Variants in KLF13 observed in about 807,000 individuals in gnomAD.
KLF13 encodes Krueppel-like factor 13.
A neutral mutation model predicts 16.7 loss-of-function variants in KLF13; 8 were observed. That is an observed-to-expected ratio of 0.48 (90% CI 0.28 to 0.87). KLF13 has a LOEUF of 0.87. Ranked by LOEUF, KLF13 falls within the 40% of genes least tolerant of loss-of-function variation. KLF13 has a pLI of 0.10. For missense variants in KLF13, 447 were observed against 452.2 expected, an observed-to-expected ratio of 0.99 and a Z score of 0.10; for synonymous variants, 245 against 208.4, an observed-to-expected ratio of 1.18 and a Z score of -1.51.
rs879308368 is a variant in KLF13, at chr15:31,373,702, G to A, written c.*1403G>A. 1 of 152,210 alleles carries A rather than the reference G, an allele frequency of 6.6e-6. No homozygotes were observed. Among genetic ancestry groups the A allele is most frequent in the Non-Finnish European group, 1.5e-5 (1 of 68,066 alleles). The allele number at this position is 152,210 out of a possible 1,614,324, so 9.4% of individuals were successfully genotyped here. On this transcript the variant is annotated 3_prime_UTR_variant, in exon 2 of 2. Transcript: ENST00000307145. Reference sequence around the variant, plus strand: ...GTCCTGGGCTGGGATTCGAGCCCTGGGCGGGGGTCAGTCAAGCCGTGGTCC... The same window carrying A: ...GTCCTGGGCTGGGATTCGAGCCCTGAGCGGGGGTCAGTCAAGCCGTGGTCC...
At chr15:31,419,914 TAAAG>T (rs1446167773) in intron 1 of KLF13, among the ~76,000 whole-genome samples, 1 of 152,052 alleles carries the variant, frequency 6.6e-6, no homozygotes, top group Non-Finnish European at 1.5e-5. Flanking sequence ...AAGTCAAGGA[TAAAG>T]AGAGAGTCTT....
intron 1 of KLF13, among the ~76,000 whole-genome samples, chr15:31,335,471 GTGTGTA>G (rs5811634): frequency 0.47 from 38,912 of 83,162 alleles, 9,619 homozygotes; most frequent in East Asian, 0.64. Context: ...GTGTGTGTGT[GTGTGTA>G]TGGTGGCGGG....
chr15:31,389,936 C>T (rs903154749), upstream of KLF13, among the ~76,000 whole-genome samples: 11 of 152,154 alleles, frequency 7.2e-5, no homozygotes, highest in South Asian at 2.1e-4. Flanking sequence ...GCAAATGGGG[C>T]GAACTCATTT....
rs1200903591 is a variant in KLF13, at chr15:31,327,113, G to T, written c.-100G>T. ...CCAGCCCAGCCCGAGGAGAGGGCGC[G>T]CCGCGCCCCCGCCCCCCGCCCGCTC... On this transcript the variant is annotated 5_prime_UTR_variant, in exon 1 of 2. Coordinates refer to ENST00000307145, the MANE Select transcript of KLF13 (RefSeq NM_015995.4). 2.1e-6 allele frequency: 2 copies of T among 951,534 alleles called. No homozygotes were observed. Among genetic ancestry groups the T allele is most frequent in the Non-Finnish European group, 2.6e-6 (2 of 764,608 alleles). The allele number at this position is 951,534 out of a possible 1,614,324, so 58.9% of individuals were successfully genotyped here.
chr15:31,370,044 C>CTTTTTTTTTTTT (rs912005994), intron 1 of KLF13, among the ~76,000 whole-genome samples: 4 of 99,298 alleles, frequency 4.0e-5, no homozygotes, highest in Admixed American at 9.7e-5. Flanking sequence ...TCTCCTTTTT[C>CTTTTTTTTTTTT]TTTTTTTTTT....
chr15:31,419,371 GA>G (rs1357694202), intron 1 of KLF13, among the ~76,000 whole-genome samples: 3 of 152,072 alleles, frequency 2.0e-5, no homozygotes, highest in Non-Finnish European at 4.4e-5. Flanking sequence ...TTGTCTTAAA[GA>G]ACTTCAATGT....
chr15:31,360,150 G>A (rs1359005527), intron 1 of KLF13, among the ~76,000 whole-genome samples: 3 of 152,184 alleles, frequency 2.0e-5, no homozygotes, highest in Non-Finnish European at 2.9e-5. Context: ...TTTTCTTCCC[G>A]GCTGGTGTCC....
rs2040357175 is a variant in KLF13, at chr15:31,423,138, C to CAT, written n.118-12232_118-12231insAT. ...GTATATATACGTATATATACGTATA[C>CAT]GTATACGTATATATACGTATATATA... On this transcript the variant is annotated intron_variant and non_coding_transcript_variant, in intron 1 of 1. Coordinates refer to the KLF13 transcript ENST00000558225. Among the ~76,000 whole-genome samples, 12 of 33,492 alleles carry CAT rather than the reference C, an allele frequency of 3.6e-4. 2 individuals carry two copies. The highest frequency in any genetic ancestry group is 3.0e-3 in the African/African-American group (12 of 3,948). The allele number at this position is 33,492 out of a possible 152,430, so 22.0% of individuals were successfully genotyped here.
At chr15:31,335,547 G>A (rs2038917101) in intron 1 of KLF13, among the ~76,000 whole-genome samples, 1 of 151,856 alleles carries the variant, frequency 6.6e-6, no homozygotes, top group Non-Finnish European at 1.5e-5. Context: ...GCCTTGACCA[G>A]TCCCTGGTTT....
intron 1 of KLF13, among the ~76,000 whole-genome samples, chr15:31,330,789 GA>G (rs1307101335): frequency 2.0e-5 from 3 of 152,216 alleles, no homozygotes; most frequent in Admixed American, 6.5e-5. Context: ...ACAAAACCAA[GA>G]AAAACATCTT....
rs375951259 is a variant in KLF13, at chr15:31,365,439, C to T, written c.578-6571C>T. 3.0e-4 allele frequency among the ~76,000 whole-genome samples: 46 copies of T among 152,298 alleles called. No individual in the cohort carries two copies. In the East Asian group the frequency reaches 5.8e-3, roughly 19 times the overall value. ...GCTCAGCGAGGCTTCCTAGAGAAGA[C>T]CCAGCAGGAGGCCGGCAGAAGAGGC... On this transcript the variant is annotated intron_variant, in intron 1 of 1. Coordinates refer to ENST00000307145, the MANE Select transcript of KLF13 (RefSeq NM_015995.4).
At position 31,423,105 on chromosome 15, in the gene KLF13, ACGTATACG is replaced by A. The variant is rs1296926728; in HGVS notation, n.118-12264_118-12257del. 2.0e-3 allele frequency among the ~76,000 whole-genome samples: 176 copies of A among 87,524 alleles called. 50 individuals are homozygous for A. Among genetic ancestry groups the A allele is most frequent in the South Asian group, 7.7e-3 (24 of 3,098 alleles). The allele number at this position is 87,524 out of a possible 152,430, so 57.4% of individuals were successfully genotyped here. On this transcript the variant is annotated intron_variant and non_coding_transcript_variant, in intron 1 of 1. Coordinates refer to the KLF13 transcript ENST00000558225. ...CATATATATACGTATATATACGTAT[ACGTATACG>A]TATATATACGTATATATACGTATAC...
intron 1 of KLF13, chr15:31,420,281 G>A: frequency 1.2e-6 from 1 of 833,718 alleles, no homozygotes; most frequent in Non-Finnish European, 2.0e-6. Flanking sequence ...AGGGATTTCT[G>A]CTTTCCTTGA....
chr15:31,343,525 A>G (rs941234004), intron 1 of KLF13, among the ~76,000 whole-genome samples: 2 of 152,226 alleles, frequency 1.3e-5, no homozygotes, highest in African/African-American at 4.8e-5. Context: ...TCCAGCCTCC[A>G]GTGGGGACCC....
intron 1 of KLF13, among the ~76,000 whole-genome samples, chr15:31,421,952 A>G (rs2040331040): frequency 6.6e-6 from 1 of 152,050 alleles, no homozygotes; most frequent in East Asian, 1.9e-4. Context: ...CATCTCTACC[A>G]AAAATATAAA....
chr15:31,379,799 C>T (rs2039702316), downstream of KLF13, among the ~76,000 whole-genome samples: 1 of 152,114 alleles, frequency 6.6e-6, no homozygotes, highest in African/African-American at 2.4e-5. Context: ...GCCTGAGAGG[C>T]CAGCCTCAGG....
chr15:31,423,910 A>G (rs907010670), intron 1 of KLF13, among the ~76,000 whole-genome samples: 2 of 152,222 alleles, frequency 1.3e-5, no homozygotes, highest in Non-Finnish European at 2.9e-5. Flanking sequence ...CTCTTGAACA[A>G]CTAATAGATC....
chr15:31,364,265 C>T (rs774699613), intron 1 of KLF13, among the ~76,000 whole-genome samples: 1 of 152,214 alleles, frequency 6.6e-6, no homozygotes, highest in Non-Finnish European at 1.5e-5. Flanking sequence ...AAAATATCTT[C>T]GCAAGCATTG....
chr15:31,345,199 C>T (rs1004530267), intron 1 of KLF13, among the ~76,000 whole-genome samples: 4 of 152,170 alleles, frequency 2.6e-5, no homozygotes, highest in Non-Finnish European at 2.9e-5. Flanking sequence ...CGTGCTGCAT[C>T]GGGCTGGGAT....
Sources: gnomAD v4.1 joint callset for allele counts (sites outside exome capture counted in the v4.1 genomes callset) on GRCh38, gnomAD v4.1.1 for gene constraint, MANE v1.5 for transcripts, NCBI Gene and HGNC (gene_info 2026-07-23, HGNC 2026-07-21) for gene names.